FBXL17: variants seen among roughly 807,000 people sequenced by gnomAD.
The protein encoded by FBXL17 is F-box/LRR-repeat protein 17.
In FBXL17, 22 loss-of-function variants were observed where a neutral mutation model predicts 66.2. The ratio of observed to expected loss-of-function variants is 0.33; its 90% CI spans 0.24 to 0.47. The LOEUF (loss-of-function observed/expected upper bound fraction) is 0.47, where lower values mean the gene tolerates loss of function less well. FBXL17 is among the 20% of genes least tolerant of loss of function. FBXL17 has a pLI of 1.00. For synonymous variants in FBXL17, 474 were observed against 400.5 expected (o/e 1.18, Z -2.19); for missense variants, 878 against 948.2 (o/e 0.93, Z 0.97).
At chr5:108,370,380 C>T (rs1220201778) in intron 1 of FBXL17, among the ~76,000 whole-genome samples, 1 of 152,040 alleles carries the variant, frequency 6.6e-6, no homozygotes, top group South Asian at 2.1e-4. Flanking sequence ...AATCTTGGGC[C>T]TCGGGAAAAC....
chr5:108,026,812 G>T (rs1754843688), intron 6 of FBXL17, among the ~76,000 whole-genome samples: 1 of 152,162 alleles, frequency 6.6e-6, no homozygotes, highest in Non-Finnish European at 1.5e-5. Flanking sequence ...AGTAATGGAA[G>T]GCTACAAAAT....
intron 8 of FBXL17, among the ~76,000 whole-genome samples, chr5:107,871,397 G>C (rs567246851): frequency 7.2e-5 from 11 of 152,202 alleles, no homozygotes; most frequent in African/African-American, 2.7e-4. Flanking sequence ...GAGAATTGGG[G>C]CTTGCTAACC....
intron 7 of FBXL17, among the ~76,000 whole-genome samples, chr5:107,989,866 G>A (rs77783499): frequency 0.019 from 2,841 of 152,156 alleles, 87 homozygotes; most frequent in African/African-American, 0.062. Flanking sequence ...ATATAAAATT[G>A]GTTAATTTCT....
intron 6 of FBXL17, among the ~76,000 whole-genome samples, chr5:108,118,670 T>C (rs564918081): frequency 6.6e-6 from 1 of 152,328 alleles, no homozygotes; most frequent in African/African-American, 2.4e-5. Context: ...TGTAAGTCAA[T>C]GTTTCCCCAT....
rs1554054251 is a variant in FBXL17, at chr5:107,980,645, A to ATATATATATATATATATATAT, written c.1822+40279_1822+40280insATATATATATATATATATATA. ...AGCCACCATGACTGGCCAATAAAAT[A>ATATATATATATATATATATAT]ATATATATATATATATATATTTTTT... On this transcript the variant is annotated intron_variant, in intron 7 of 8. Coordinates refer to ENST00000542267, the MANE Select transcript of FBXL17 (RefSeq NM_001163315.3). Among the ~76,000 whole-genome samples the ATATATATATATATATATATAT allele has an allele frequency of 2.8e-4, 22 of 79,210 alleles. 2 individuals are homozygous for ATATATATATATATATATATAT. Among genetic ancestry groups the ATATATATATATATATATATAT allele is most frequent in the African/African-American group, 5.2e-4 (7 of 13,428 alleles). 52.0% of individuals were successfully genotyped at this position (79,210 alleles called of 152,430 possible).
rs200995711 is a variant in FBXL17 at position 108,016,712 on chromosome 5, TGTC to T, written c.1822+4210_1822+4212del. ...GTGACACAGGTTGATTTCACCTTCT[TGTC>T]TTCTTCTTAATCCCAAGGACACACT... On this transcript the variant is annotated intron_variant, in intron 7 of 8. Coordinates refer to ENST00000542267, the MANE Select transcript of FBXL17 (RefSeq NM_001163315.3). 1.6e-4 allele frequency among the ~76,000 whole-genome samples: 24 copies of T among 152,280 alleles called. No individual in the cohort carries two copies. The East Asian group carries it at 3.5e-3, about 22-fold the overall frequency.
chr5:108,149,927 C>T (rs1336134042), intron 6 of FBXL17, among the ~76,000 whole-genome samples: 4 of 152,102 alleles, frequency 2.6e-5, no homozygotes, highest in East Asian at 1.9e-4. Flanking sequence ...CTTAACTTTC[C>T]ACCTTATATG....
intron 7 of FBXL17, among the ~76,000 whole-genome samples, chr5:107,991,498 C>T (rs921723816): frequency 1.3e-5 from 2 of 152,236 alleles, no homozygotes; most frequent in Non-Finnish European, 2.9e-5. Flanking sequence ...ACTGCTTTCA[C>T]TCCATTCCCT....
chr5:108,010,348 T>C (rs147217995), intron 7 of FBXL17, among the ~76,000 whole-genome samples: 1 of 152,250 alleles, frequency 6.6e-6, no homozygotes, highest in Non-Finnish European at 1.5e-5. Flanking sequence ...TCTTCCCAAG[T>C]CCCACCTCTA....
chr5:107,893,714 T>A (rs948589602), intron 7 of FBXL17, among the ~76,000 whole-genome samples: 14 of 152,204 alleles, frequency 9.2e-5, no homozygotes, highest in Non-Finnish European at 1.6e-4. Context: ...AAATCACTGA[T>A]GAAGGACTAC....
intron 6 of FBXL17, among the ~76,000 whole-genome samples, chr5:108,068,601 G>A (rs544939210): frequency 2.6e-5 from 4 of 152,036 alleles, no homozygotes; most frequent in East Asian, 3.9e-4. Context: ...GGCTACAGGC[G>A]CGTGCCACCA....
chr5:108,263,916 T>C (rs1756937199), intron 4 of FBXL17, among the ~76,000 whole-genome samples: 2 of 152,168 alleles, frequency 1.3e-5, no homozygotes, highest in African/African-American at 4.8e-5. Flanking sequence ...TTGCTTCTTT[T>C]AAAGAATCTC....
intron 7 of FBXL17, among the ~76,000 whole-genome samples, chr5:107,881,409 C>T (rs1425982816): frequency 6.6e-6 from 1 of 152,092 alleles, no homozygotes; most frequent in African/African-American, 2.4e-5. Context: ...TGAACACAAC[C>T]TTTTATCAGT....
At chr5:107,936,588 T>A (rs1243408279) in intron 7 of FBXL17, among the ~76,000 whole-genome samples, 1 of 129,360 alleles carries the variant, frequency 7.7e-6, no homozygotes, top group Non-Finnish European at 1.7e-5. Context: ...GATGCTACAT[T>A]AGAATGACTG....
At chr5:108,224,260 G>C (rs1469192962) in intron 4 of FBXL17, 32 bp from the exon 5 acceptor site, 1 of 1,321,982 alleles carries the variant, frequency 7.6e-7, no homozygotes, top group Non-Finnish European at 1.1e-6. Context: ...AATTATTCAA[G>C]GTAATAGTCC....
intron 7 of FBXL17, among the ~76,000 whole-genome samples, chr5:107,906,322 A>T (rs1749757622): frequency 1.3e-5 from 2 of 152,192 alleles, no homozygotes; most frequent in African/African-American, 4.8e-5. Context: ...AATTGATAAA[A>T]ACTATTTTAA....
intron 4 of FBXL17, among the ~76,000 whole-genome samples, chr5:108,258,888 C>A: frequency 6.6e-6 from 1 of 151,802 alleles, no homozygotes; most frequent in South Asian, 2.1e-4. Flanking sequence ...ATCTGAGAAA[C>A]CAATAGAAAA....
At chr5:108,110,984 A>G (rs1750011410) in intron 6 of FBXL17, among the ~76,000 whole-genome samples, 1 of 152,194 alleles carries the variant, frequency 6.6e-6, no homozygotes. Context: ...CACCAGCATC[A>G]AGTCTCTTTT....
intron 7 of FBXL17, among the ~76,000 whole-genome samples, chr5:108,006,537 T>C (rs981470802): frequency 1.3e-5 from 2 of 152,198 alleles, no homozygotes; most frequent in South Asian, 2.1e-4. Context: ...ATTGTGAGAA[T>C]AAACAGCCTT....
Sources: allele counts gnomAD v4.1 joint callset (sites outside exome capture counted in the v4.1 genomes callset), GRCh38; gene constraint gnomAD v4.1.1; transcripts MANE v1.5; gene names NCBI Gene and HGNC (gene_info 2026-07-23, HGNC 2026-07-21).